The following FOXP2 variants were observed in gnomAD, a reference collection of about 807,000 sequenced individuals.
The protein encoded by FOXP2 is forkhead box protein P2.
FOXP2 carries 12 observed loss-of-function variants against 115.8 expected under a neutral mutation model. The ratio of observed to expected loss-of-function variants is 0.10; its 90% CI spans 0.07 to 0.17. The LOEUF is 0.17. Among genes scored for constraint, FOXP2 ranks in the 10% least tolerant of loss-of-function variants. The probability of loss-of-function intolerance (pLI) is 1.00; values close to 1 mark genes in which losing one functional copy is unlikely to be tolerated. For synonymous variants in FOXP2, 328 were observed against 297.7 expected, an observed-to-expected ratio of 1.10 and a Z score of -1.05; for missense variants, 629 against 843.5, an observed-to-expected ratio of 0.75 and a Z score of 3.15.
At chr7:114,358,969 G>A (rs753227918) in intron 2 of FOXP2, among the ~76,000 whole-genome samples, 1 of 152,192 alleles carries the variant, frequency 6.6e-6, no homozygotes, top group Non-Finnish European at 1.5e-5. Flanking sequence ...ATTTCTGTAA[G>A]TAACAAGGAA....
chr7:114,129,582 G>A (rs1224940525), intron 1 of FOXP2, among the ~76,000 whole-genome samples: 3 of 152,260 alleles, frequency 2.0e-5, no homozygotes, highest in South Asian at 4.1e-4. Flanking sequence ...TGGAGTTCAA[G>A]TAACTATCCT....
chr7:114,442,698 C>T lies in FOXP2; in HGVS notation c.168+16019C>T, dbSNP rs143674989. Among the ~76,000 whole-genome samples, 255 of 152,202 alleles carry T rather than the reference C, an allele frequency of 1.7e-3. 2 individuals are homozygous for T. Among genetic ancestry groups the T allele is most frequent in the East Asian group, 4.3e-3 (22 of 5,156 alleles). On this transcript the variant is annotated intron_variant, in intron 2 of 16. Coordinates refer to ENST00000350908, the MANE Select transcript of FOXP2 (RefSeq NM_014491.4). Reference sequence around the variant, plus strand: ...CAAACTCCTGGGCTCAAGTGATCCACCTGTCTGGACCTCTGGACCTCCCGA... The same window carrying T: ...CAAACTCCTGGGCTCAAGTGATCCATCTGTCTGGACCTCTGGACCTCCCGA...
chr7:114,254,810 G>A (rs567175790), intron 1 of FOXP2, among the ~76,000 whole-genome samples: 20 of 152,252 alleles, frequency 1.3e-4, no homozygotes, highest in African/African-American at 2.6e-4. Flanking sequence ...GTCATTCTCC[G>A]TCCAGCTTTG....
chr7:114,260,803 T>C (rs1371827912), intron 1 of FOXP2, among the ~76,000 whole-genome samples: 1 of 152,104 alleles, frequency 6.6e-6, no homozygotes, highest in Non-Finnish European at 1.5e-5. Flanking sequence ...AGTGAATATC[T>C]TAGTGGTTAG....
At chr7:114,099,079 G>A (rs961709313) in intron 1 of FOXP2, among the ~76,000 whole-genome samples, 28 of 152,070 alleles carry the variant, frequency 1.8e-4, no homozygotes, top group African/African-American at 6.8e-4. Context: ...AGGCTGCAGT[G>A]AACTGTGATT....
chr7:114,215,437 G>T (rs1256011171), intron 1 of FOXP2, among the ~76,000 whole-genome samples: 1 of 152,018 alleles, frequency 6.6e-6, no homozygotes, highest in Non-Finnish European at 1.5e-5. Context: ...CAGATTACTA[G>T]GTTCAACCAT....
Position 114,690,838 on chromosome 7 carries a change from G to A in FOXP2, c.*912G>A, listed in dbSNP as rs752795759. ...CTTCTGTAACTTCAATTAGTACAAA[G>A]GAACCTTTTCCATGAACTACCTGCT... is the stretch of plus-strand genomic sequence containing the variant. On this transcript the variant is annotated 3_prime_UTR_variant, in exon 17 of 17. Transcript: ENST00000350908. 74 of 454,348 alleles carry A rather than the reference G, an allele frequency of 1.6e-4. No individual in the cohort carries two copies. Among genetic ancestry groups the A allele is most frequent in the Middle Eastern group, 6.8e-4 (1 of 1,466 alleles). 28.1% of individuals were successfully genotyped at this position (454,348 alleles called of 1,614,324 possible). A position where few individuals can be genotyped will look rare whatever the true frequency, so the allele number is the denominator to read the frequency against.
chr7:114,494,529 C>T (rs1460641661), intron 2 of FOXP2, among the ~76,000 whole-genome samples: 1 of 152,054 alleles, frequency 6.6e-6, no homozygotes, highest in East Asian at 1.9e-4. Context: ...CCCAAGAAAA[C>T]TGTGGAATAA....
chr7:114,495,955 T>C (rs1345804100), intron 2 of FOXP2, among the ~76,000 whole-genome samples: 3 of 152,220 alleles, frequency 2.0e-5, no homozygotes, highest in African/African-American at 7.2e-5. Flanking sequence ...TTTTTTTCTT[T>C]AGCCAAATTA....
chr7:114,617,558 C>A (rs910311323), intron 3 of FOXP2, among the ~76,000 whole-genome samples: 1 of 152,182 alleles, frequency 6.6e-6, no homozygotes, highest in Admixed American at 6.5e-5. Context: ...CTTTGGGAGG[C>A]GGAGGCGGGT....
chr7:114,094,960 T>A (rs1799612793), intron 1 of FOXP2, among the ~76,000 whole-genome samples: 1 of 152,234 alleles, frequency 6.6e-6, no homozygotes, highest in Admixed American at 6.5e-5. Flanking sequence ...TGTTGTGACC[T>A]GGCTATTCCA....
intron 1 of FOXP2, among the ~76,000 whole-genome samples, chr7:114,281,737 T>C (rs376149130): frequency 2.6e-5 from 4 of 152,244 alleles, no homozygotes; most frequent in East Asian, 1.9e-4. Context: ...ACAATTGTCC[T>C]ATTCTTGAAT....
chr7:114,151,842 A>G (rs1324514403), intron 1 of FOXP2, among the ~76,000 whole-genome samples: 4 of 152,136 alleles, frequency 2.6e-5, no homozygotes, highest in Admixed American at 1.3e-4. Context: ...AATATAACAC[A>G]AAAACAAGTC....
intron 2 of FOXP2, among the ~76,000 whole-genome samples, chr7:114,342,637 A>G (rs896979310): frequency 6.6e-6 from 1 of 151,432 alleles, no homozygotes; most frequent in Non-Finnish European, 1.5e-5. Flanking sequence ...GGTGAATCTC[A>G]AAAGTGTATT....
At chr7:114,441,464 T>A (rs1487073439) in intron 2 of FOXP2, among the ~76,000 whole-genome samples, 1 of 151,666 alleles carries the variant, frequency 6.6e-6, no homozygotes, top group Non-Finnish European at 1.5e-5. Context: ...AAAAAAAAAA[T>A]TGGAGTGGAA....
intron 1 of FOXP2, among the ~76,000 whole-genome samples, chr7:114,170,101 G>A (rs1793098366): frequency 6.6e-6 from 1 of 152,136 alleles, no homozygotes. Context: ...TGATCACTTT[G>A]TGTCTGTATC....
chr7:114,341,147 T>C lies in FOXP2; in HGVS notation c.-11+53038T>C, dbSNP rs559293213. 2.6e-5 allele frequency among the ~76,000 whole-genome samples: 4 copies of C among 151,372 alleles called. No individual in the cohort carries two copies. The South Asian group carries it at 8.3e-4, about 31-fold the overall frequency. ...ATATCATTTTAAAATTGATGTATCC[T>C]TTATTTTCTTCTTCTTAAAATCAAG... On this transcript the variant is annotated intron_variant, in intron 2 of 17. Coordinates refer to the FOXP2 transcript ENST00000634411.
chr7:114,135,053 T>C (rs920361970), intron 1 of FOXP2, among the ~76,000 whole-genome samples: 4 of 152,228 alleles, frequency 2.6e-5, no homozygotes, highest in Admixed American at 2.0e-4. Context: ...TTTTGACTAT[T>C]TCATTAGGAT....
intron 1 of FOXP2, among the ~76,000 whole-genome samples, chr7:114,170,464 G>T (rs1448191116): frequency 6.6e-6 from 1 of 152,204 alleles, no homozygotes; most frequent in African/African-American, 2.4e-5. Context: ...ATTCAGTTTT[G>T]TGAGGAAGGC....
Sources: gnomAD v4.1 joint callset for allele counts (sites outside exome capture counted in the v4.1 genomes callset) on GRCh38, gnomAD v4.1.1 for gene constraint, MANE v1.5 for transcripts, NCBI Gene and HGNC (gene_info 2026-07-23, HGNC 2026-07-21) for gene names.